RBFOX2: variants seen among roughly 807,000 people sequenced by gnomAD.
RBFOX2 encodes RNA binding fox-1 homolog 2.
In RBFOX2, 10 loss-of-function variants were observed where a neutral mutation model predicts 49.1. The ratio of observed to expected loss-of-function variants is 0.20; its 90% CI spans 0.13 to 0.35. The LOEUF (loss-of-function observed/expected upper bound fraction) is 0.35, where lower values mean the gene tolerates loss of function less well. RBFOX2 is among the 10% of genes least tolerant of loss of function. RBFOX2 has a pLI of 1.00. For synonymous variants in RBFOX2, 183 were observed against 187.4 expected, an observed-to-expected ratio of 0.98 and a Z score of 0.19; for missense variants, 323 against 486.9, an observed-to-expected ratio of 0.66 and a Z score of 3.17.
intron 1 of RBFOX2, among the ~76,000 whole-genome samples, chr22:35,833,795 G>A (rs1410518009): frequency 6.6e-6 from 1 of 152,184 alleles, no homozygotes; most frequent in Non-Finnish European, 1.5e-5. Flanking sequence ...TAGTACTGCT[G>A]AGTAAGTATA....
chr22:35,753,818 T>C (rs1935909435), intron 9 of RBFOX2, among the ~76,000 whole-genome samples: 1 of 137,432 alleles, frequency 7.3e-6, no homozygotes, highest in Non-Finnish European at 1.5e-5. Context: ...AGTCTAGCTC[T>C]GTCAGCCAGG....
chr22:35,792,330 AAAAAGAAAAGAAAAG>A (rs1193695072), intron 2 of RBFOX2, among the ~76,000 whole-genome samples: 10,609 of 135,684 alleles, frequency 0.078, 1,243 homozygotes, highest in African/African-American at 0.26. Context: ...AAAAAAAAAA[AAAAAGAAAAGAAAAG>A]AAAAGAAAAG....
At chr22:35,935,815 G>A (rs780275056) in intron 1 of RBFOX2, among the ~76,000 whole-genome samples, 21 of 152,130 alleles carry the variant, frequency 1.4e-4, no homozygotes, top group Admixed American at 7.2e-4. Flanking sequence ...TACTTGAATT[G>A]TTGCCTTGGA....
At chr22:35,882,008 G>T (rs2045972448) in intron 1 of RBFOX2, among the ~76,000 whole-genome samples, 1 of 151,080 alleles carries the variant, frequency 6.6e-6, no homozygotes, top group Non-Finnish European at 1.5e-5. Flanking sequence ...AAAAAGAAAT[G>T]AAAAGAAAAG....
At chr22:35,994,515 C>T (rs2058109881) in intron 1 of RBFOX2, 1 of 151,924 alleles carries the variant, frequency 6.6e-6, no homozygotes, top group South Asian at 2.1e-4. Context: ...AAATGATCCT[C>T]CCACCTCAGC....
At chr22:35,831,037 C>A (rs962567618) in intron 1 of RBFOX2, among the ~76,000 whole-genome samples, 3 of 152,148 alleles carry the variant, frequency 2.0e-5, no homozygotes, top group Non-Finnish European at 2.9e-5. Flanking sequence ...AAGGAAATTG[C>A]GAGGTCCTGT....
chr22:35,752,572 C>T, intron 9 of RBFOX2: 1 of 952,066 alleles, frequency 1.1e-6, no homozygotes, highest in Non-Finnish European at 1.3e-6. Context: ...TCACTGCAAT[C>T]CACAATCTGA....
At chr22:36,023,940 G>C (rs1020528770) in intron 1 of RBFOX2, among the ~76,000 whole-genome samples, 4 of 152,080 alleles carry the variant, frequency 2.6e-5, no homozygotes, top group African/African-American at 9.7e-5. Context: ...ACTCCATTTT[G>C]GTAAGTGATG....
intron 1 of RBFOX2, among the ~76,000 whole-genome samples, chr22:36,016,293 G>C (rs934051565): frequency 6.6e-6 from 1 of 151,896 alleles, no homozygotes; most frequent in African/African-American, 2.4e-5. Context: ...GCCACATTCA[G>C]ACACCCCCAG....
chr22:35,927,142 A>G (rs1221265376), intron 1 of RBFOX2, among the ~76,000 whole-genome samples: 1 of 152,202 alleles, frequency 6.6e-6, no homozygotes, highest in African/African-American at 2.4e-5. Flanking sequence ...GATTTGAAAC[A>G]ATCAGAGGCA....
chr22:35,961,383 C>T (rs905991397), intron 1 of RBFOX2, among the ~76,000 whole-genome samples: 1 of 152,146 alleles, frequency 6.6e-6, no homozygotes, highest in African/African-American at 2.4e-5. Context: ...AAAGAAAATA[C>T]TCTGCAAATT....
At position 35,810,188 on chromosome 22, in the gene RBFOX2, G is replaced by GACACACAC. The variant is rs58254412; in HGVS notation, c.28-192_28-185dup. 2.5e-3 allele frequency among the ~76,000 whole-genome samples: 355 copies of GACACACAC among 142,702 alleles called. 1 individual carries two copies. Among genetic ancestry groups the GACACACAC allele is most frequent in the African/African-American group, 4.6e-3 (180 of 39,068 alleles). 93.6% of individuals were successfully genotyped at this position (142,702 alleles called of 152,430 possible). A position where few individuals can be genotyped will look rare whatever the true frequency, so the allele number is the denominator to read the frequency against. On this transcript the variant is annotated intron_variant, in intron 1 of 11. Coordinates refer to ENST00000405409, the Ensembl canonical transcript of RBFOX2. The stretch of plus-strand genomic sequence containing the variant: ...ACACATAGATATATGTATGTGGACA[G>GACACACAC]ACACACACACACACACACACACACA...
At chr22:35,900,109 G>A (rs1419605017) in intron 1 of RBFOX2, among the ~76,000 whole-genome samples, 1 of 152,114 alleles carries the variant, frequency 6.6e-6, no homozygotes, top group African/African-American at 2.4e-5. Flanking sequence ...TAATTCAAGA[G>A]GCTACTTGTT....
intron 3 of RBFOX2, among the ~76,000 whole-genome samples, chr22:35,780,744 T>C (rs1332536273): frequency 6.6e-6 from 1 of 152,254 alleles, no homozygotes; most frequent in Non-Finnish European, 1.5e-5. Context: ...TTTATAAATA[T>C]GATATTTAAA....
intron 1 of RBFOX2, among the ~76,000 whole-genome samples, chr22:35,872,114 T>C (rs550720660): frequency 3.7e-4 from 56 of 152,332 alleles, no homozygotes; most frequent in African/African-American, 1.2e-3. Flanking sequence ...AGAGTTTACA[T>C]AGCTAGAATG....
intron 1 of RBFOX2, among the ~76,000 whole-genome samples, chr22:35,919,530 C>CAA (rs758998485): frequency 4.7e-4 from 54 of 115,980 alleles, no homozygotes; most frequent in African/African-American, 1.3e-3. Context: ...GAGACTGTCT[C>CAA]AAAAAAAAAA....
chr22:35,884,582 T>C (rs975802678), intron 1 of RBFOX2, among the ~76,000 whole-genome samples: 1 of 152,004 alleles, frequency 6.6e-6, no homozygotes, highest in African/African-American at 2.4e-5. Flanking sequence ...TACTTAACAG[T>C]GTAGGGGCTC....
chr22:36,018,199 T>C (rs1277405574), intron 1 of RBFOX2, among the ~76,000 whole-genome samples: 2 of 152,158 alleles, frequency 1.3e-5, no homozygotes, highest in Admixed American at 1.3e-4. Flanking sequence ...GTAAGCGTGG[T>C]GGGGCAGACA....
chr22:35,966,482 T>C (rs1466214354), upstream of RBFOX2, among the ~76,000 whole-genome samples: 1 of 152,206 alleles, frequency 6.6e-6, no homozygotes, highest in African/African-American at 2.4e-5. Context: ...ATGCTGAACG[T>C]CCTCACTAAT....
Sources: gnomAD v4.1 joint callset for allele counts (sites outside exome capture counted in the v4.1 genomes callset) on GRCh38, gnomAD v4.1.1 for gene constraint, MANE v1.5 for transcripts, NCBI Gene and HGNC (gene_info 2026-07-23, HGNC 2026-07-21) for gene names.